Variants in LRIG2 observed in about 807,000 individuals in gnomAD.
The protein encoded by LRIG2 is leucine rich repeats and immunoglobulin like domains 2.
LRIG2 carries 93 observed loss-of-function variants against 107.8 expected under a neutral mutation model. That is an observed-to-expected ratio of 0.86 (90% CI 0.73 to 1.03). LRIG2 has a LOEUF of 1.03. Ranked by LOEUF, LRIG2 falls within the 50% of genes least tolerant of loss-of-function variation. LRIG2 has a pLI of 0.00. For synonymous variants in LRIG2, 471 were observed against 470.6 expected, an observed-to-expected ratio of 1.00 and a Z score of -0.01; for missense variants, 1,226 against 1,296.0, an observed-to-expected ratio of 0.95 and a Z score of 0.83.
intron 16 of LRIG2, among the ~76,000 whole-genome samples, chr1:113,118,241 AACTC>A (rs1163825058): frequency 2.6e-5 from 4 of 152,166 alleles, no homozygotes; most frequent in Non-Finnish European, 5.9e-5. Flanking sequence ...TTGAATAAGT[AACTC>A]ACTCTTTATT....
chr1:113,090,790 A>G (rs1653775266), intron 1 of LRIG2, among the ~76,000 whole-genome samples: 3 of 151,368 alleles, frequency 2.0e-5, no homozygotes, highest in South Asian at 4.2e-4. Flanking sequence ...GTGAGCCGAG[A>G]TTGCGCCACT....
chr1:113,111,419 C>T (rs1654768641), intron 13 of LRIG2, among the ~76,000 whole-genome samples: 2 of 152,162 alleles, frequency 1.3e-5, no homozygotes, highest in Admixed American at 1.3e-4. Flanking sequence ...TTAGTGCACC[C>T]ATCACTGAGT....
rs2101084182 is a variant in LRIG2 at position 113,131,721 on chromosome 1, A to T, written c.*7620A>T. 6.6e-6 allele frequency: 1 copy of T among 152,186 alleles called. No homozygotes were observed. Among genetic ancestry groups the T allele is most frequent in the East Asian group, 1.9e-4 (1 of 5,184 alleles). The allele number at this position is 152,186 out of a possible 1,614,324, so 9.4% of individuals were successfully genotyped here. A position where few individuals can be genotyped will look rare whatever the true frequency, so the allele number is the denominator to read the frequency against. Reference sequence around the variant, plus strand: ...GACAAAAGTAACAAGTTTGGAACTAAGAGATATGTTACAAGCTGCACTTAA... The same window carrying T: ...GACAAAAGTAACAAGTTTGGAACTATGAGATATGTTACAAGCTGCACTTAA... On this transcript the variant is annotated 3_prime_UTR_variant, in exon 18 of 18. Coordinates refer to ENST00000361127, the MANE Select transcript of LRIG2 (RefSeq NM_014813.3).
At chr1:113,085,846 TGTTA>T (rs1043132985) in intron 1 of LRIG2, among the ~76,000 whole-genome samples, 3 of 152,328 alleles carry the variant, frequency 2.0e-5, no homozygotes, top group Non-Finnish European at 2.9e-5. Flanking sequence ...AGTGTAAAGC[TGTTA>T]GTTGTAGAGG....
In LRIG2 at chr1:113,124,939, T is replaced by C. The variant is rs1045167577; in HGVS notation, c.*838T>C. Reference sequence around the variant, plus strand: ...ATTTTGAGAGGCTAAGGTGGGAGGATTGCTTGAGGCCAGGAATTTGAGACC... The same window carrying C: ...ATTTTGAGAGGCTAAGGTGGGAGGACTGCTTGAGGCCAGGAATTTGAGACC... On this transcript the variant is annotated 3_prime_UTR_variant, in exon 18 of 18. Transcript: ENST00000361127. The C allele has an allele frequency of 6.6e-6, 1 of 152,102 alleles. No individual in the cohort carries two copies. The highest frequency in any genetic ancestry group is 1.5e-5 in the Non-Finnish European group (1 of 68,018). The allele number at this position is 152,102 out of a possible 1,614,324, so 9.4% of individuals were successfully genotyped here.
Position 113,107,666 on chromosome 1 carries a change from C to G in LRIG2, c.1386C>G (p.Asn462Lys). 6.2e-7 allele frequency: 1 copy of G among 1,613,906 alleles called. No individual in the cohort carries two copies. The highest frequency in any genetic ancestry group is 8.5e-7 in the Non-Finnish European group (1 of 1,179,872). The change falls in exon 12 of 18, where the codon AAC (asparagine) becomes AAG (lysine). Residue 462 changes from asparagine (N) to lysine (K), a missense_variant. Transcript: ENST00000361127. ...KWLLQWLVDN[N>K]FQHSVNVSCA... ...TACTTCAATGGTTGGTTGATAATAACTTTCAACATTCTGTGAATGTAAGCT... is the reference window on the plus strand; with the variant it reads ...TACTTCAATGGTTGGTTGATAATAAGTTTCAACATTCTGTGAATGTAAGCT...
intron 8 of LRIG2, among the ~76,000 whole-genome samples, chr1:113,096,719 G>A (rs911710965): frequency 3.2e-4 from 49 of 152,160 alleles, no homozygotes; most frequent in African/African-American, 9.4e-4. Context: ...GTTCTCATTC[G>A]AAAGGATGCA....
chr1:113,074,918 G>C (rs1652893454), intron 1 of LRIG2, among the ~76,000 whole-genome samples: 1 of 125,012 alleles, frequency 8.0e-6, no homozygotes, highest in Admixed American at 8.9e-5. Context: ...GGGGGAGGGA[G>C]GGTCGGGGAG....
At chr1:113,114,136 T>TC in intron 14 of LRIG2, among the ~76,000 whole-genome samples, 1 of 121,466 alleles carries the variant, frequency 8.2e-6, no homozygotes, top group Non-Finnish European at 2.0e-5. Context: ...TTTGAATTTC[T>TC]TTTTTTTTAA....
chr1:113,074,431 T>C (rs1029248250), intron 1 of LRIG2, among the ~76,000 whole-genome samples: 22 of 152,206 alleles, frequency 1.4e-4, no homozygotes, highest in African/African-American at 4.8e-4. Flanking sequence ...TTGACAGGTC[T>C]TTATTAGACA....
Position 113,127,940 on chromosome 1 carries a change from T to TAAAG in LRIG2, c.*3841_*3842insAGAA, listed in dbSNP as rs10627225. 138,818 of 151,978 alleles carry TAAAG rather than the reference T, an allele frequency of 0.91. 64,303 individuals are homozygous for TAAAG. Among genetic ancestry groups the TAAAG allele is most frequent in the Non-Finnish European group, 0.98 (66,877 of 67,996 alleles). 9.4% of individuals were successfully genotyped at this position (151,978 alleles called of 1,614,324 possible). A position where few individuals can be genotyped will look rare whatever the true frequency, so the allele number is the denominator to read the frequency against. On this transcript the variant is annotated 3_prime_UTR_variant, in exon 18 of 18. Transcript: ENST00000361127. ...CTGATACCAAAGAGCTTTAGGTAAA[T>TAAAG]AACTTCACACTCTAATGCAATGTAA...
chr1:113,102,030 TA>T (rs1654328376), intron 11 of LRIG2, among the ~76,000 whole-genome samples: 1 of 152,104 alleles, frequency 6.6e-6, no homozygotes, highest in Admixed American at 6.6e-5. Context: ...TGGGGATTGC[TA>T]TTTTAGATAA....
Position 113,073,630 on chromosome 1 carries a change from C to T in LRIG2, c.224C>T (p.Pro75Leu). The T allele has an allele frequency of 6.2e-7, 1 of 1,612,782 alleles. No individual in the cohort carries two copies. Among genetic ancestry groups the T allele is most frequent in the Non-Finnish European group, 8.5e-7 (1 of 1,179,946 alleles). ...SWRALSGLLP[P>L]DTAILDFSHN... ...AGGGCGCTGTCGGGCTTGCTGCCCCCCGACACCGCTATCCTGTGAGTAGAG... is the reference window on the plus strand; with the variant it reads ...AGGGCGCTGTCGGGCTTGCTGCCCCTCGACACCGCTATCCTGTGAGTAGAG... Residue 75 changes from proline (P) to leucine (L), a missense_variant, in exon 1 of 18, where the codon CCC (proline) becomes CTC (leucine). Pro to Leu is a moderately conservative substitution (Grantham distance 98). Around this residue, in one of 3 missense-constraint regions of LRIG2, gnomAD observed 570 missense variants for 550.2 expected, o/e 1.04. Coordinates refer to ENST00000361127, the MANE Select transcript of LRIG2 (RefSeq NM_014813.3).
At chr1:113,112,381 G>T in intron 13 of LRIG2, 98 bp from the exon 14 acceptor site, 2 of 983,270 alleles carry the variant, frequency 2.0e-6, no homozygotes, top group South Asian at 1.7e-5. Flanking sequence ...GAACATTAGG[G>T]GGTGTCTTGC....
rs772431120 is a variant in LRIG2, at chr1:113,112,655, G to A, written c.1975G>A (p.Val659Ile). The change falls in exon 14 of 18, where the codon GTC becomes ATC. Residue 659 changes from valine (V) to isoleucine (I), a missense_variant. Transcript: ENST00000361127. ...RRMHVMPEDD[V>I]FFIANVKIED... ...CATGCACGTCATGCCCGAGGATGAC[G>A]TCTTCTTTATTGCCAATGTGAAAAT... 8.7e-6 allele frequency: 14 copies of A among 1,613,962 alleles called. No individual in the cohort carries two copies. The highest frequency in any genetic ancestry group is 1.7e-5 in the Admixed American group (1 of 59,982).
Position 113,126,338 on chromosome 1 carries a change from C to G in LRIG2, c.*2237C>G, listed in dbSNP as rs1023626523. The G allele has an allele frequency of 5.2e-5, 9 of 174,082 alleles. No homozygotes were observed. The highest frequency in any genetic ancestry group is 1.7e-4 in the Admixed American group (3 of 18,066). 10.8% of individuals were successfully genotyped at this position (174,082 alleles called of 1,614,324 possible). ...TACTTTTATTTCTCGCTCTGGTTCTCCATTGGTCTGGGCTCCTGCTTCTCA... is the reference window on the plus strand; with the variant it reads ...TACTTTTATTTCTCGCTCTGGTTCTGCATTGGTCTGGGCTCCTGCTTCTCA... On this transcript the variant is annotated 3_prime_UTR_variant, in exon 18 of 18. Coordinates refer to ENST00000361127, the MANE Select transcript of LRIG2 (RefSeq NM_014813.3).
intron 6 of LRIG2, among the ~76,000 whole-genome samples, chr1:113,094,986 T>TATATATA (rs1477517170): frequency 9.1e-6 from 1 of 109,610 alleles, no homozygotes; most frequent in Non-Finnish European, 1.9e-5. Flanking sequence ...ATATATATAT[T>TATATATA]TTTTTTGAGA....
intron 15 of LRIG2, 132 bp downstream of exon 15, chr1:113,115,008 A>C: frequency 1.3e-6 from 1 of 791,142 alleles, no homozygotes; most frequent in Non-Finnish European, 2.0e-6. Context: ...ACTCAGGAGG[A>C]TGAGGTGGGA....
intron 11 of LRIG2, chr1:113,103,118 C>G (rs1654376311): frequency 6.6e-6 from 1 of 152,100 alleles, no homozygotes; most frequent in Non-Finnish European, 1.5e-5. Flanking sequence ...ATTGCAGTCT[C>G]AATCTTCAGA....
Sources: allele counts gnomAD v4.1 joint callset (sites outside exome capture counted in the v4.1 genomes callset), GRCh38; gene constraint gnomAD v4.1.1; regional missense constraint gnomAD v4.1.1; transcripts MANE v1.5; gene names NCBI Gene and HGNC (gene_info 2026-07-23, HGNC 2026-07-21).